PIK3R3: variants seen among roughly 807,000 people sequenced by gnomAD.
The protein encoded by PIK3R3 is phosphatidylinositol 3-kinase regulatory subunit gamma.
A neutral mutation model predicts 62.9 loss-of-function variants in PIK3R3; 64 were observed. The ratio of observed to expected loss-of-function variants is 1.02; its 90% confidence interval spans 0.83 to 1.25. The LOEUF (loss-of-function observed/expected upper bound fraction) is 1.25, where lower values mean the gene tolerates loss of function less well. Among genes scored for constraint, PIK3R3 ranks in the 50% most tolerant of loss-of-function variants. The pLI, the probability that PIK3R3 is intolerant of heterozygous loss-of-function variation, is 0.00. For missense variants in PIK3R3, 614 were observed against 561.6 expected (o/e 1.09, Z -0.94); for synonymous variants, 165 against 189.0 (o/e 0.87, Z 1.04).
chr1:46,063,455 T>A (rs975130321), intron 5 of PIK3R3, among the ~76,000 whole-genome samples: 2 of 152,210 alleles, frequency 1.3e-5, no homozygotes, highest in African/African-American at 4.8e-5. Context: ...AACTCTTAAA[T>A]TATAGTGGAG....
intron 3 of PIK3R3, among the ~76,000 whole-genome samples, chr1:46,076,268 C>T (rs1321349331): frequency 6.6e-6 from 1 of 152,162 alleles, no homozygotes; most frequent in East Asian, 1.9e-4. Context: ...GAAAAAGAGG[C>T]CCAGGTCCCA....
At chr1:46,115,684 C>T (rs1055839503) in intron 1 of PIK3R3, among the ~76,000 whole-genome samples, 1 of 152,200 alleles carries the variant, frequency 6.6e-6, no homozygotes, top group African/African-American at 2.4e-5. Flanking sequence ...TAATGTCCTG[C>T]AACAGGTCTG....
the PIK3R3 span, among the ~76,000 whole-genome samples, chr1:46,157,352 C>G: frequency 6.6e-6 from 1 of 152,072 alleles, no homozygotes; most frequent in African/African-American, 2.4e-5. Flanking sequence ...AGGGTGGTCT[C>G]GAACTCATAA....
At position 46,043,868 on chromosome 1, in the gene PIK3R3, G is replaced by A. The variant is rs146464137; in HGVS notation, c.1191C>T (p.Ala397=). ...TCACACAGTGCTTCACTTCCCCATC[G>A]GCCCTGCAATGACAAACCACAGAAG... The part of the protein sequence containing the change: ...KKGCYACSVV[A]DGEVKHCVIY... The change falls in exon 10 of 10, where the codon GCC becomes GCT. Residue 397 remains alanine (A), a synonymous_variant. Transcript: ENST00000262741. 40 of 1,612,038 alleles carry A rather than the reference G, an allele frequency of 2.5e-5. No homozygotes were observed. The highest frequency in any genetic ancestry group is 1.6e-4 in the Middle Eastern group (1 of 6,084).
chr1:46,053,194 G>C (rs1647528672), intron 7 of PIK3R3, among the ~76,000 whole-genome samples: 1 of 152,114 alleles, frequency 6.6e-6, no homozygotes, highest in Admixed American at 6.5e-5. Context: ...GTCCTTACTT[G>C]TAGGTTATGA....
chr1:46,154,461 T>A, the PIK3R3 span, among the ~76,000 whole-genome samples: 1 of 152,092 alleles, frequency 6.6e-6, no homozygotes, highest in Non-Finnish European at 1.5e-5. Flanking sequence ...CCTAGCTACT[T>A]GGGAGGCTGA....
chr1:46,141,312 C>G, the PIK3R3 span, among the ~76,000 whole-genome samples: 6 of 151,718 alleles, frequency 4.0e-5, no homozygotes, highest in African/African-American at 1.2e-4. Flanking sequence ...ACTCTGTCAC[C>G]CAGGCTGGAG....
At chr1:46,061,709 T>C (rs1245488124) in intron 6 of PIK3R3, among the ~76,000 whole-genome samples, 1 of 152,130 alleles carries the variant, frequency 6.6e-6, no homozygotes, top group African/African-American at 2.4e-5. Flanking sequence ...ATATCTAACC[T>C]GAAGTCCTAA....
Position 46,049,136 on chromosome 1 carries a change from ATC to A in PIK3R3, c.942-2513_942-2512del, listed in dbSNP as rs1033600427. 4.4e-4 allele frequency among the ~76,000 whole-genome samples: 66 copies of A among 151,390 alleles called. No homozygotes were observed. In the Middle Eastern group the frequency reaches 0.014, roughly 31 times the overall value. ...TATTTTTTGGCATGGTCTTGGACCC[ATC>A]TCTCTTTGGCCCAGCAATCTCTTCT... On this transcript the variant is annotated intron_variant, in intron 7 of 9. Transcript: ENST00000262741.
chr1:46,128,103 A>G (rs1250480111), intron 1 of PIK3R3, among the ~76,000 whole-genome samples: 1 of 152,222 alleles, frequency 6.6e-6, no homozygotes, highest in Non-Finnish European at 1.5e-5. Flanking sequence ...ACTAGAAGCA[A>G]TAATAGATAA....
chr1:46,071,909 C>A (rs2149403119), intron 3 of PIK3R3, among the ~76,000 whole-genome samples: 1 of 151,284 alleles, frequency 6.6e-6, no homozygotes, highest in East Asian at 1.9e-4. Flanking sequence ...TATCCCCTAC[C>A]ACTTCTTCTT....
chr1:46,120,118 T>A (rs749765685), intron 1 of PIK3R3, among the ~76,000 whole-genome samples: 16 of 152,214 alleles, frequency 1.1e-4, no homozygotes, highest in Non-Finnish European at 1.9e-4. Context: ...CTTACACTCA[T>A]TTACTTGCTA....
chr1:46,066,143 C>A lies in PIK3R3; in HGVS notation c.532G>T (p.Gly178Cys). The A allele has an allele frequency of 6.3e-7, 1 of 1,583,334 alleles. No homozygotes were observed. The highest frequency in any genetic ancestry group is 8.7e-7 in the Non-Finnish European group (1 of 1,152,694). ...GAGTGGTATTCTTGCAGTTTTTTAC[C>A]TACTGCATCAATATTATCTTCTTTT... ...LVKEDNIDAV[G>C]KKLQEYHSQY... Residue 178 changes from glycine to cysteine, a missense_variant, in exon 5 of 10, where the codon GGT (glycine) becomes TGT (cysteine). Gly to Cys is a radical substitution (Grantham distance 159). Transcript: ENST00000262741.
rs1000592703 is a variant in PIK3R3, at chr1:46,100,676, T to A, written c.107-19926A>T. On this transcript the variant is annotated intron_variant, in intron 1 of 9. Coordinates refer to ENST00000262741, the MANE Select transcript of PIK3R3 (RefSeq NM_003629.4). ...TATATTAAACAGAAGTGTATTGAAC[T>A]TATAAATTAATTTGGAAAGAACTGA... Among the ~76,000 whole-genome samples, 13 of 152,326 alleles carry A rather than the reference T, an allele frequency of 8.5e-5. No homozygotes were observed. The East Asian group carries it at 2.1e-3, about 25-fold the overall frequency.
At chr1:46,129,063 T>C (rs2149477875) in intron 1 of PIK3R3, among the ~76,000 whole-genome samples, 1 of 150,432 alleles carries the variant, frequency 6.6e-6, no homozygotes, top group South Asian at 2.1e-4. Flanking sequence ...AGAGTGAGAC[T>C]CTGCCTCAGG....
At position 46,042,525 on chromosome 1, in the gene PIK3R3, C is replaced by T. The variant is rs1472145783; in HGVS notation, c.*1148G>A. The T allele has an allele frequency of 5.5e-5, 12 of 217,420 alleles. No homozygotes were observed. The Admixed American group carries it at 5.8e-4, about 11-fold the overall frequency. The allele number at this position is 217,420 out of a possible 1,614,324, so 13.5% of individuals were successfully genotyped here. A position where few individuals can be genotyped will look rare whatever the true frequency, so the allele number is the denominator to read the frequency against. Reference sequence around the variant, plus strand: ...AGGCACCTGACCACAATCTGACTCCCCTCCTTAGCAACCTATAGCTCCCAA... The same window carrying T: ...AGGCACCTGACCACAATCTGACTCCTCTCCTTAGCAACCTATAGCTCCCAA... On this transcript the variant is annotated 3_prime_UTR_variant, in exon 10 of 10. Transcript: ENST00000262741. The surrounding 1 kb of genome is among the most constrained non-coding windows in gnomAD (Gnocchi z 4.3).
the PIK3R3 span, chr1:46,138,879 C>T: frequency 6.6e-6 from 1 of 152,186 alleles, no homozygotes; most frequent in Non-Finnish European, 1.5e-5. Flanking sequence ...TAGAGGCTAC[C>T]TTCCATTCTG....
At chr1:46,152,354 G>A in the PIK3R3 span, among the ~76,000 whole-genome samples, 6 of 152,106 alleles carry the variant, frequency 3.9e-5, no homozygotes, top group Non-Finnish European at 7.3e-5. Flanking sequence ...CATGCTAGGG[G>A]TGACCTTTCC....
intron 1 of PIK3R3, among the ~76,000 whole-genome samples, chr1:46,101,813 G>A (rs1652705006): frequency 6.6e-6 from 1 of 152,060 alleles, no homozygotes; most frequent in Non-Finnish European, 1.5e-5. Context: ...TTGCTTAATG[G>A]TTATAGAGTT....
Sources: allele counts gnomAD v4.1 joint callset (sites outside exome capture counted in the v4.1 genomes callset), GRCh38; gene constraint gnomAD v4.1.1; non-coding constraint Gnocchi (gnomAD v3.1); transcripts MANE v1.5; gene names NCBI Gene and HGNC (gene_info 2026-07-23, HGNC 2026-07-21).